Variants in WDFY1 observed in about 807,000 individuals in gnomAD.
The protein encoded by WDFY1 is WD repeat and FYVE domain-containing protein 1.
A neutral mutation model predicts 56.4 loss-of-function variants in WDFY1; 32 were observed. That is an observed-to-expected ratio of 0.57 (90% CI 0.43 to 0.76). The LOEUF (loss-of-function observed/expected upper bound fraction) is 0.76. Ranked by LOEUF, WDFY1 falls within the 30% of genes least tolerant of loss-of-function variation. The probability of loss-of-function intolerance (pLI) is 0.00; values close to 1 mark genes in which losing one functional copy is unlikely to be tolerated. For missense variants in WDFY1, 480 were observed against 545.7 expected (o/e 0.88, Z 1.20); for synonymous variants, 192 against 197.3 (o/e 0.97, Z 0.23).
chr2:223,930,521 G>A (rs1469729853), intron 1 of WDFY1, among the ~76,000 whole-genome samples: 1 of 152,224 alleles, frequency 6.6e-6, no homozygotes, highest in African/African-American at 2.4e-5. Flanking sequence ...AGTAGAGACG[G>A]GGTTTCACCA....
chr2:223,931,265 AAAGTT>A (rs1202747265), intron 1 of WDFY1, among the ~76,000 whole-genome samples: 1 of 152,242 alleles, frequency 6.6e-6, no homozygotes, highest in Non-Finnish European at 1.5e-5. Flanking sequence ...AGTACAAAAT[AAAGTT>A]ATTACTCTTA....
rs150067931 is a variant in WDFY1, at chr2:223,904,528, C to T, written c.334+1419G>A. On this transcript the variant is annotated intron_variant, in intron 4 of 11. Coordinates refer to ENST00000233055, the MANE Select transcript of WDFY1 (RefSeq NM_020830.5). ...TCAGGCTCCCAAAGTGCTGGGATTACAGGGGTGAGTCACCGTGCCTGGATG... is the reference window on the plus strand; with the variant it reads ...TCAGGCTCCCAAAGTGCTGGGATTATAGGGGTGAGTCACCGTGCCTGGATG... Among the ~76,000 whole-genome samples, 485 of 152,300 alleles carry T rather than the reference C, an allele frequency of 3.2e-3. 4 individuals are homozygous for T. Among genetic ancestry groups the T allele is most frequent in the African/African-American group, 0.011 (454 of 41,562 alleles).
intron 5 of WDFY1, among the ~76,000 whole-genome samples, chr2:223,900,308 A>G (rs377681737): frequency 1.3e-4 from 20 of 152,362 alleles, no homozygotes; most frequent in African/African-American, 4.8e-4. Context: ...GTTTGATCCT[A>G]AAGTATATGA....
At chr2:223,931,120 T>C (rs1574780441) in intron 1 of WDFY1, among the ~76,000 whole-genome samples, 1 of 152,254 alleles carries the variant, frequency 6.6e-6, no homozygotes, top group East Asian at 1.9e-4. Context: ...ATAAAAAGCA[T>C]TTGGCATTTA....
intron 8 of WDFY1, among the ~76,000 whole-genome samples, chr2:223,891,480 C>G (rs936888741): frequency 2.1e-5 from 3 of 142,624 alleles, no homozygotes; most frequent in Non-Finnish European, 4.6e-5. Flanking sequence ...TATTAAAAAA[C>G]AAACAAACAA....
intron 8 of WDFY1, among the ~76,000 whole-genome samples, chr2:223,889,467 T>C (rs773914978): frequency 9.9e-5 from 15 of 152,172 alleles, no homozygotes; most frequent in Admixed American, 3.9e-4. Flanking sequence ...TAGGATGTAA[T>C]TGAATCATGG....
At chr2:223,918,257 T>C (rs1220106850) in intron 1 of WDFY1, among the ~76,000 whole-genome samples, 4 of 152,120 alleles carry the variant, frequency 2.6e-5, no homozygotes, top group Non-Finnish European at 1.5e-5. Context: ...ACATACTATA[T>C]ATAGTCACAT....
At chr2:223,880,308 A>G in intron 10 of WDFY1, 76 bp from the exon 11 acceptor site, 2 of 1,364,578 alleles carry the variant, frequency 1.5e-6, no homozygotes, top group Non-Finnish European at 2.1e-6. Flanking sequence ...TTTTAGCAAC[A>G]TAAAATAAGC....
chr2:223,888,114 C>G (rs1190812307), intron 8 of WDFY1, among the ~76,000 whole-genome samples: 1 of 151,854 alleles, frequency 6.6e-6, no homozygotes, highest in African/African-American at 2.4e-5. Flanking sequence ...CAGGGTCTCG[C>G]TTTGTCACAC....
At chr2:223,880,375 GA>G in intron 10 of WDFY1, 143 bp from the exon 11 acceptor site, 1 of 648,676 alleles carries the variant, frequency 1.5e-6, no homozygotes, top group South Asian at 1.8e-5. Flanking sequence ...GGGAGGCCGA[GA>G]CGGGTGGATC....
At chr2:223,891,332 G>A (rs1024672016) in intron 8 of WDFY1, among the ~76,000 whole-genome samples, 6 of 123,482 alleles carry the variant, frequency 4.9e-5, no homozygotes, top group Non-Finnish European at 7.9e-5. Context: ...GCAGTGAGCC[G>A]AGATCGCACC....
chr2:223,883,007 G>A (rs1424164573), intron 9 of WDFY1, among the ~76,000 whole-genome samples: 1 of 152,168 alleles, frequency 6.6e-6, no homozygotes, highest in Non-Finnish European at 1.5e-5. Context: ...AGGATTACAG[G>A]TGTGAGCCAC....
chr2:223,924,239 T>C (rs996230768), intron 1 of WDFY1, among the ~76,000 whole-genome samples: 2 of 152,236 alleles, frequency 1.3e-5, no homozygotes, highest in Non-Finnish European at 2.9e-5. Context: ...CTATCTCCTC[T>C]GCACTTTTAG....
intron 6 of WDFY1, among the ~76,000 whole-genome samples, chr2:223,896,167 A>AC: frequency 1.4e-5 from 2 of 145,824 alleles, no homozygotes; most frequent in Non-Finnish European, 3.0e-5. Context: ...AAAAAAAAAA[A>AC]AAAAAAAAAA....
chr2:223,942,781 C>G (rs548075651), intron 1 of WDFY1, among the ~76,000 whole-genome samples: 1 of 144,218 alleles, frequency 6.9e-6, no homozygotes, highest in African/African-American at 2.6e-5. Flanking sequence ...ATGATCCACC[C>G]GCCTCGGCCT....
intron 1 of WDFY1, among the ~76,000 whole-genome samples, chr2:223,937,829 T>C (rs1441439442): frequency 6.6e-6 from 1 of 152,168 alleles, no homozygotes; most frequent in Non-Finnish European, 1.5e-5. Context: ...ACAATGAAAA[T>C]ACAGCAGTTA....
chr2:223,898,917 A>C, intron 6 of WDFY1, 41 bp downstream of exon 6: 3 of 1,541,932 alleles, frequency 1.9e-6, no homozygotes, highest in Non-Finnish European at 2.7e-6. Context: ...TTGGATGTCC[A>C]AGTTAGGCAA....
intron 1 of WDFY1, among the ~76,000 whole-genome samples, chr2:223,919,087 C>T (rs1213219605): frequency 6.6e-6 from 1 of 152,226 alleles, no homozygotes; most frequent in East Asian, 1.9e-4. Flanking sequence ...CAGGCCTCTC[C>T]ATCTCCTGCA....
At chr2:223,904,677 AC>A (rs1693568089) in intron 4 of WDFY1, among the ~76,000 whole-genome samples, 1 of 152,160 alleles carries the variant, frequency 6.6e-6, no homozygotes, top group African/African-American at 2.4e-5. Context: ...CATACGTAAA[AC>A]ATCTACACTC....
Sources: allele counts gnomAD v4.1 joint callset (sites outside exome capture counted in the v4.1 genomes callset), GRCh38; gene constraint gnomAD v4.1.1; transcripts MANE v1.5; gene names NCBI Gene and HGNC (gene_info 2026-07-23, HGNC 2026-07-21).